Variants in ALMS1 observed in about 807,000 individuals in gnomAD.
ALMS1 encodes the protein ALMS1 centrosome and basal body associated protein, also known as centrosome-associated protein ALMS1.
A neutral mutation model predicts 352.2 loss-of-function variants in ALMS1; 271 were observed. The observed-to-expected ratio is 0.77, with a 90% CI of 0.70 to 0.85. The LOEUF is 0.85. ALMS1 is among the 40% of genes least tolerant of loss of function. ALMS1 has a pLI of 0.00. For missense variants in ALMS1, 5,445 were observed against 4,870.7 expected (o/e 1.12, Z -3.51); for synonymous variants, 1,865 against 1,761.2 (o/e 1.06, Z -1.48).
chr2:73,446,606 A>T (rs1365338094), intron 7 of ALMS1, among the ~76,000 whole-genome samples: 2 of 152,116 alleles, frequency 1.3e-5, no homozygotes, highest in Non-Finnish European at 2.9e-5. Flanking sequence ...TTCTATATTC[A>T]GCTCCTTTGA....
intron 1 of ALMS1, among the ~76,000 whole-genome samples, chr2:73,387,015 G>A (rs1198156878): frequency 6.6e-6 from 1 of 152,124 alleles, no homozygotes; most frequent in East Asian, 1.9e-4. Flanking sequence ...TAAATTAAAT[G>A]AAAAATTCCA....
rs1671962430 is a variant in ALMS1, at chr2:73,452,337, C to T, written c.5810C>T (p.Pro1937Leu). ...GDRKTEIPTVPLSYYSRREKP... is the reference protein window; with the variant it reads ...GDRKTEIPTVLLSYYSRREKP... The stretch of plus-strand genomic sequence containing the variant: ...CGGAAGACTGAGATACCAACAGTAC[C>T]TTTAAGTTACTACTCACGTAGAGAG... Residue 1937 changes from proline to leucine, a missense_variant, in exon 8 of 23, where the codon CCT (proline) becomes CTT (leucine). By Grantham distance (98) the Pro-to-Leu change is moderately conservative (BLOSUM62 -3). Transcript: ENST00000613296. 2.5e-6 allele frequency: 4 copies of T among 1,613,898 alleles called. No homozygotes were observed. Among genetic ancestry groups the T allele is most frequent in the Admixed American group, 1.7e-5 (1 of 59,956 alleles).
intron 9 of ALMS1, among the ~76,000 whole-genome samples, chr2:73,461,658 G>A (rs565013783): frequency 2.0e-5 from 3 of 152,246 alleles, no homozygotes; most frequent in Non-Finnish European, 2.9e-5. Flanking sequence ...AAACTACTCC[G>A]AGCTACAGGA....
chr2:73,408,846 A>T, intron 2 of ALMS1, 99 bp downstream of exon 2: 3 of 866,318 alleles, frequency 3.5e-6, no homozygotes, highest in Non-Finnish European at 5.1e-6. Context: ...AATATTCATT[A>T]ATATTATGTT....
intron 1 of ALMS1, among the ~76,000 whole-genome samples, chr2:73,396,339 C>T (rs1460071226): frequency 2.6e-5 from 4 of 151,578 alleles, no homozygotes; most frequent in African/African-American, 7.3e-5. Context: ...CACACACACA[C>T]GCTTGTATTT....
In ALMS1 at chr2:73,424,723, A is replaced by T; in HGVS notation, c.1058A>T (p.Asp353Val). 6.2e-7 allele frequency: 1 copy of T among 1,614,166 alleles called. No homozygotes were observed. The highest frequency in any genetic ancestry group is 1.3e-5 in the African/African-American group (1 of 75,064). ...TATATGTCATGGAAGACACGAAAAG[A>T]TACACAGTGGCCTGAAAACAATTTA... ...CSYMSWKTRK[D>V]TQWPENNLAD... The change falls in exon 5 of 23, where the codon GAT (aspartate) becomes GTT (valine). Residue 353 changes from aspartate to valine, a missense_variant. Physicochemically the swap from Asp to Val is radical, Grantham distance 152. Coordinates refer to ENST00000613296, the MANE Select transcript of ALMS1 (RefSeq NM_001378454.1).
chr2:73,516,314 G>T (rs1300380598), intron 10 of ALMS1, among the ~76,000 whole-genome samples: 2 of 152,182 alleles, frequency 1.3e-5, no homozygotes, highest in African/African-American at 4.8e-5. Flanking sequence ...TGGTGAGGTT[G>T]CAGAAGAAAG....
At chr2:73,540,911 A>G (rs1361615814) in intron 12 of ALMS1, among the ~76,000 whole-genome samples, 1 of 152,202 alleles carries the variant, frequency 6.6e-6, no homozygotes, top group African/African-American at 2.4e-5. Context: ...TTAGACTCCC[A>G]CACAATAATG....
intron 9 of ALMS1, among the ~76,000 whole-genome samples, chr2:73,466,134 G>T (rs1437592946): frequency 6.6e-6 from 1 of 152,088 alleles, no homozygotes; most frequent in Non-Finnish European, 1.5e-5. Flanking sequence ...CCATTTCTGG[G>T]TATATACCCA....
intron 9 of ALMS1, among the ~76,000 whole-genome samples, chr2:73,463,822 A>G (rs1265348671): frequency 1.3e-5 from 2 of 148,388 alleles, no homozygotes; most frequent in East Asian, 2.0e-4. Context: ...AAACACCTCT[A>G]TGCAAATAAA....
At chr2:73,460,605 G>A (rs1356188515) in intron 9 of ALMS1, among the ~76,000 whole-genome samples, 1 of 152,202 alleles carries the variant, frequency 6.6e-6, no homozygotes, top group African/African-American at 2.4e-5. Flanking sequence ...GACAGTGGGT[G>A]CAGCGCACCA....
intron 1 of ALMS1, among the ~76,000 whole-genome samples, chr2:73,392,286 GTGT>G: frequency 6.7e-6 from 1 of 150,252 alleles, no homozygotes; most frequent in Non-Finnish European, 1.5e-5. Context: ...GTGTGTGTGT[GTGT>G]GTGTGTGTAT....
Position 73,573,314 on chromosome 2 carries a change from A to C in ALMS1, c.11437A>C (p.Thr3813Pro). Residue 3813 changes from threonine to proline, a missense_variant, in exon 16 of 23, where the codon ACC becomes CCC. Thr to Pro is a conservative substitution (Grantham distance 38). Coordinates refer to ENST00000613296, the MANE Select transcript of ALMS1 (RefSeq NM_001378454.1). ...ACGAATTAAATTATATAGCAGCATC[A>C]CCAACCAACAGAGGAGATACCTTGA... ...PRRIKLYSSITNQQRRYLEKR... is the reference protein window; with the variant it reads ...PRRIKLYSSIPNQQRRYLEKR... 6.2e-7 allele frequency: 1 copy of C among 1,614,122 alleles called. No homozygotes were observed. The highest frequency in any genetic ancestry group is 1.1e-5 in the South Asian group (1 of 91,078).
rs761560436 is a variant in ALMS1 at position 73,450,693 on chromosome 2, G to A, written c.4166G>A (p.Ser1389Asn). 6 of 1,612,288 alleles carry A rather than the reference G, an allele frequency of 3.7e-6. No individual in the cohort carries two copies. The highest frequency in any genetic ancestry group is 3.4e-6 in the Non-Finnish European group (4 of 1,179,480). ...TACTCACAACATACAGAGAAGCCGA[G>A]TATTTTCTACCAACAGTCGTTGCCA... ...TSYSQHTEKP[S>N]IFYQQSLPGS... Residue 1389 changes from serine (S) to asparagine (N), a missense_variant, in exon 8 of 23, where the codon AGT (serine) becomes AAT (asparagine). By Grantham distance (46) the Ser-to-Asn change is conservative. Transcript: ENST00000613296.
intron 13 of ALMS1, among the ~76,000 whole-genome samples, chr2:73,554,606 A>G (rs939214751): frequency 1.3e-5 from 2 of 151,788 alleles, no homozygotes; most frequent in African/African-American, 4.8e-5. Context: ...CCAGCTACTC[A>G]GGAGGCTGAT....
At position 73,449,084 on chromosome 2, in the gene ALMS1, G is replaced by C; in HGVS notation, c.2557G>C (p.Val853Leu). Residue 853 changes from valine to leucine, a missense_variant, in exon 8 of 23, where the codon GTA becomes CTA. By Grantham distance (32) the Val-to-Leu change is conservative. Transcript: ENST00000613296. ...TGACGGAAAGACTGGGACACCAGCT[G>C]TAACCTCTACTTCCTCTGCGTCCTC... ...PADGKTGTPA[V>L]TSTSSASSSL... The C allele has an allele frequency of 6.2e-7, 1 of 1,614,144 alleles. No individual in the cohort carries two copies. The highest frequency in any genetic ancestry group is 1.3e-5 in the African/African-American group (1 of 75,058).
chr2:73,439,073 C>G (rs1671663481), intron 7 of ALMS1, among the ~76,000 whole-genome samples: 1 of 145,000 alleles, frequency 6.9e-6, no homozygotes, highest in Non-Finnish European at 1.5e-5. Context: ...CTCTTTCTTC[C>G]TCTTTTTTCT....
chr2:73,469,634 C>A (rs893431496), intron 9 of ALMS1: 1 of 151,736 alleles, frequency 6.6e-6, no homozygotes, highest in African/African-American at 2.4e-5. Context: ...AAGTACCTGA[C>A]CTAGCTCAAT....
chr2:73,517,235 A>G (rs1222180243), intron 10 of ALMS1, among the ~76,000 whole-genome samples: 1 of 89,556 alleles, frequency 1.1e-5, no homozygotes, highest in Non-Finnish European at 2.1e-5. Flanking sequence ...TGATTTTTTG[A>G]AAGTTTTAGT....
Sources: allele counts gnomAD v4.1 joint callset (sites outside exome capture counted in the v4.1 genomes callset), GRCh38; gene constraint gnomAD v4.1.1; transcripts MANE v1.5; gene names NCBI Gene and HGNC (gene_info 2026-07-23, HGNC 2026-07-21).